Variants in PLXNA4 observed in about 807,000 individuals in gnomAD.
PLXNA4 encodes plexin-A4.
In PLXNA4, 44 loss-of-function variants were observed where a neutral mutation model predicts 191.8. The observed-to-expected ratio is 0.23, with a 90% CI of 0.18 to 0.29. The LOEUF (loss-of-function observed/expected upper bound fraction) is 0.29. Ranked by LOEUF, PLXNA4 falls within the 10% of genes least tolerant of loss-of-function variation. PLXNA4 has a pLI of 1.00. For missense variants in PLXNA4, 1,800 were observed against 2,488.8 expected, an observed-to-expected ratio of 0.72 and a Z score of 5.89; for synonymous variants, 1,082 against 1,009.5, an observed-to-expected ratio of 1.07 and a Z score of -1.36.
At chr7:132,231,002 G>T (rs1423676602) in intron 5 of PLXNA4, among the ~76,000 whole-genome samples, 1 of 152,132 alleles carries the variant, frequency 6.6e-6, no homozygotes, top group Non-Finnish European at 1.5e-5. Context: ...AATTCTACCT[G>T]CATTGCTTGC....
chr7:132,469,534 A>G (rs1411576352), intron 3 of PLXNA4, among the ~76,000 whole-genome samples: 1 of 152,200 alleles, frequency 6.6e-6, no homozygotes, highest in Admixed American at 6.5e-5. Context: ...GGGATTGAAG[A>G]CTGACTTTCA....
intron 3 of PLXNA4, among the ~76,000 whole-genome samples, chr7:132,419,799 G>A (rs1794787449): frequency 6.6e-6 from 1 of 152,222 alleles, no homozygotes; most frequent in African/African-American, 2.4e-5. Flanking sequence ...GTTGCAGCAT[G>A]ACAGCTGCCA....
Position 132,174,759 on chromosome 7 carries a change from A to G in PLXNA4, c.4017+19T>C. On this transcript the variant is annotated intron_variant, in intron 21 of 31. Coordinates refer to ENST00000321063, the MANE Select transcript of PLXNA4 (RefSeq NM_020911.2). ...CACGCTCCCCTGCTCTAATGCCAGG[A>G]TGGAGCACTGCTTCTCACCTCAAGG... 4 of 1,612,364 alleles carry G rather than the reference A, an allele frequency of 2.5e-6. No individual in the cohort carries two copies. The highest frequency in any genetic ancestry group is 1.1e-5 in the South Asian group (1 of 91,028).
At chr7:132,241,040 C>A in intron 5 of PLXNA4, 26 bp downstream of exon 5, 2 of 1,538,326 alleles carry the variant, frequency 1.3e-6, no homozygotes, top group Non-Finnish European at 1.8e-6. Flanking sequence ...GTGGGAGGCA[C>A]GAGGCAGCCT....
chr7:132,577,195 C>T (rs1218721639), upstream of PLXNA4: 2 of 148,076 alleles, frequency 1.4e-5, no homozygotes, highest in African/African-American at 2.4e-5. Flanking sequence ...GCGCCCCCGG[C>T]CCCCCGGGCG....
chr7:132,462,951 G>A (rs1439625647), intron 3 of PLXNA4, among the ~76,000 whole-genome samples: 2 of 148,706 alleles, frequency 1.3e-5, no homozygotes, highest in African/African-American at 2.5e-5. Flanking sequence ...TCAGGTTCAA[G>A]TGATTCTCCT....
At chr7:132,287,892 C>T (rs1035661843) in intron 4 of PLXNA4, among the ~76,000 whole-genome samples, 9 of 152,192 alleles carry the variant, frequency 5.9e-5, no homozygotes, top group African/African-American at 1.2e-4. Flanking sequence ...CTTCATGGGG[C>T]CGAGGCTGGT....
At chr7:132,562,820 C>CTCT (rs1801298418) in intron 1 of PLXNA4, among the ~76,000 whole-genome samples, 1 of 121,370 alleles carries the variant, frequency 8.2e-6, no homozygotes. Flanking sequence ...CCTCCTTCTC[C>CTCT]TCCTCCTTCT....
rs753273266 is a variant in PLXNA4, at chr7:132,482,298, G to A, written c.1371+6994C>T. Among the ~76,000 whole-genome samples, 13 of 152,248 alleles carry A rather than the reference G, an allele frequency of 8.5e-5. No individual in the cohort carries two copies. The East Asian group carries it at 1.9e-3, about 23-fold the overall frequency. Reference sequence around the variant, plus strand: ...TTGCACCTTGCTCAGCCTCTTTCTCGCCCCCATCTCTCAGACATCGTTCTA... The same window carrying A: ...TTGCACCTTGCTCAGCCTCTTTCTCACCCCCATCTCTCAGACATCGTTCTA... On this transcript the variant is annotated intron_variant, in intron 3 of 31. Transcript: ENST00000321063.
chr7:132,378,847 CTT>C (rs11375919), intron 3 of PLXNA4, among the ~76,000 whole-genome samples: 21 of 119,024 alleles, frequency 1.8e-4, no homozygotes, highest in African/African-American at 1.3e-4. Flanking sequence ...GGCACTGGAT[CTT>C]TTTTTTTTTT....
At chr7:132,241,453 T>A (rs1014764519) in intron 4 of PLXNA4, among the ~76,000 whole-genome samples, 1 of 152,250 alleles carries the variant, frequency 6.6e-6, no homozygotes, top group Non-Finnish European at 1.5e-5. Flanking sequence ...TACACAGTGT[T>A]CATTTCAAGT....
chr7:132,140,522 G>A, intron 30 of PLXNA4, 77 bp downstream of exon 30: 1 of 1,552,940 alleles, frequency 6.4e-7, no homozygotes, highest in East Asian at 2.3e-5. Flanking sequence ...GGTTTTTGAT[G>A]GGGAGGGGAC....
chr7:132,531,199 C>T (rs1799604105), intron 1 of PLXNA4, among the ~76,000 whole-genome samples: 1 of 152,156 alleles, frequency 6.6e-6, no homozygotes, highest in Non-Finnish European at 1.5e-5. Context: ...GAATTTTACG[C>T]TTAAAATGGT....
intron 3 of PLXNA4, among the ~76,000 whole-genome samples, chr7:132,466,061 C>CCTCAGCTCAGCTT (rs1239916789): frequency 6.6e-6 from 1 of 152,166 alleles, no homozygotes; most frequent in Admixed American, 6.5e-5. Context: ...AGCTGAAGCC[C>CCTCAGCTCAGCTT]CTCAGCTCAG....
intron 21 of PLXNA4, among the ~76,000 whole-genome samples, chr7:132,172,047 T>G (rs1027423879): frequency 6.6e-6 from 1 of 151,978 alleles, no homozygotes; most frequent in African/African-American, 2.4e-5. Flanking sequence ...GAGGTAGGAA[T>G]TTTCTCCCCA....
At chr7:132,203,531 C>T in intron 10 of PLXNA4, 112 bp from the exon 11 acceptor site, 1 of 877,868 alleles carries the variant, frequency 1.1e-6, no homozygotes, top group Non-Finnish European at 1.9e-6. Context: ...AAAGACTGGC[C>T]AAGACTGTGC....
At chr7:132,568,999 C>G (rs770471763) in intron 1 of PLXNA4, among the ~76,000 whole-genome samples, 6 of 152,212 alleles carry the variant, frequency 3.9e-5, no homozygotes, top group African/African-American at 1.2e-4. Flanking sequence ...GCCAAGGAAG[C>G]CCCAGCCCCA....
Position 132,507,753 on chromosome 7 carries a change from T to A in PLXNA4, c.941A>T (p.Tyr314Phe), listed in dbSNP as rs902782256. 22 of 1,613,926 alleles carry A rather than the reference T, an allele frequency of 1.4e-5. No homozygotes were observed. The highest frequency in any genetic ancestry group is 1.8e-5 in the Non-Finnish European group (21 of 1,180,012). The change falls in exon 2 of 32, where the codon TAC becomes TTC. Residue 314 changes from tyrosine to phenylalanine, a missense_variant. Physicochemically the swap from Tyr to Phe is conservative, Grantham distance 22. Coordinates refer to ENST00000321063, the MANE Select transcript of PLXNA4 (RefSeq NM_020911.2). The part of the protein sequence containing the change: ...GVEYRLLQAA[Y>F]LSKAGAVLGR... Reference sequence around the variant, plus strand: ...AAGCACGGCCCCCGCTTTGGACAGGTAGGCAGCCTGCAGCAGGCGGTACTC... The same window carrying A: ...AAGCACGGCCCCCGCTTTGGACAGGAAGGCAGCCTGCAGCAGGCGGTACTC...
intron 30 of PLXNA4, among the ~76,000 whole-genome samples, chr7:132,134,915 C>T (rs757592048): frequency 3.9e-5 from 6 of 152,118 alleles, no homozygotes; most frequent in South Asian, 2.1e-4. Flanking sequence ...GCCTGTGACC[C>T]GCCCCAAAAC....
Sources: allele counts gnomAD v4.1 joint callset (sites outside exome capture counted in the v4.1 genomes callset), GRCh38; gene constraint gnomAD v4.1.1; transcripts MANE v1.5; gene names NCBI Gene and HGNC (gene_info 2026-07-23, HGNC 2026-07-21).